Variants in ERC1 observed in about 807,000 individuals in gnomAD.
ERC1 encodes RAB6 interacting protein 2.
ERC1 carries 56 observed loss-of-function variants against 132.0 expected under a neutral mutation model. The observed-to-expected ratio is 0.42, with a 90% CI of 0.34 to 0.53. ERC1 has a LOEUF of 0.53. ERC1 is among the 20% of genes least tolerant of loss of function. The pLI, the probability that ERC1 is intolerant of heterozygous loss-of-function variation, is 0.03. For synonymous variants in ERC1, 478 were observed against 476.1 expected (o/e 1.00, Z -0.05); for missense variants, 1,202 against 1,349.9 (o/e 0.89, Z 1.72).
intron 7 of ERC1, among the ~76,000 whole-genome samples, chr12:1,117,822 A>AT (rs1946613957): frequency 6.6e-6 from 1 of 152,212 alleles, no homozygotes; most frequent in Non-Finnish European, 1.5e-5. Flanking sequence ...GATGATCTGC[A>AT]TTTTCTTACT....
At chr12:1,319,570 A>G (rs74057124) in intron 15 of ERC1, among the ~76,000 whole-genome samples, 2,760 of 152,298 alleles carry the variant, frequency 0.018, 86 homozygotes, top group African/African-American at 0.064. Flanking sequence ...ACCATTATCC[A>G]TGCATAGCTG....
chr12:1,282,483 ACTG>A (rs1163482982), intron 14 of ERC1, among the ~76,000 whole-genome samples: 1 of 152,218 alleles, frequency 6.6e-6, no homozygotes, highest in African/African-American at 2.4e-5. Context: ...GTTATAAAAT[ACTG>A]TACTGCCGGT....
intron 16 of ERC1, among the ~76,000 whole-genome samples, chr12:1,388,518 C>T (rs1007345133): frequency 1.3e-5 from 2 of 152,128 alleles, no homozygotes; most frequent in Non-Finnish European, 2.9e-5. Context: ...TGACGTGAGA[C>T]TCCAGAGCCA....
intron 13 of ERC1, among the ~76,000 whole-genome samples, chr12:1,255,649 T>A (rs1200081541): frequency 6.3e-5 from 9 of 142,888 alleles, no homozygotes; most frequent in African/African-American, 2.1e-4. Context: ...TTTTTTTTTT[T>A]TGAGACGGAG....
chr12:1,196,567 C>T (rs1356988393), intron 12 of ERC1, among the ~76,000 whole-genome samples: 2 of 150,042 alleles, frequency 1.3e-5, no homozygotes, highest in African/African-American at 4.9e-5. Flanking sequence ...GATGACAGCT[C>T]ACTATAGCCT....
intron 13 of ERC1, among the ~76,000 whole-genome samples, chr12:1,253,537 G>A (rs1474795583): frequency 2.0e-5 from 3 of 152,206 alleles, no homozygotes; most frequent in Admixed American, 6.5e-5. Flanking sequence ...TTCGCCAGGC[G>A]TGGTGGTGCA....
intron 15 of ERC1, among the ~76,000 whole-genome samples, chr12:1,313,579 A>G (rs1400821821): frequency 1.3e-5 from 2 of 151,564 alleles, no homozygotes; most frequent in South Asian, 2.1e-4. Flanking sequence ...ATCACCTCCC[A>G]TATGTAAATC....
At chr12:1,298,330 T>C (rs140785604) in intron 15 of ERC1, among the ~76,000 whole-genome samples, 3,508 of 151,762 alleles carry the variant, frequency 0.023, 66 homozygotes, top group Non-Finnish European at 0.036. Context: ...TCACTTGAGG[T>C]CAGGAGTTTG....
intron 15 of ERC1, among the ~76,000 whole-genome samples, chr12:1,326,475 A>ACCTGCCTGAT (rs2082452584): frequency 1.3e-5 from 2 of 152,336 alleles, no homozygotes; most frequent in South Asian, 4.1e-4. Context: ...GATGCAAACT[A>ACCTGCCTGAT]AGTTTTGATC....
chr12:1,274,182 C>T (rs1594714006), intron 14 of ERC1, among the ~76,000 whole-genome samples: 1 of 152,134 alleles, frequency 6.6e-6, no homozygotes, highest in South Asian at 2.1e-4. Context: ...GAACATGCCA[C>T]CCCAGCATTG....
In ERC1 at chr12:1,424,828, TAGATAGATAGATAGATGATAGATA is replaced by T. The variant is rs1322273941; in HGVS notation, c.3024+16582_3024+16605del. 7.2e-5 allele frequency among the ~76,000 whole-genome samples: 10 copies of T among 138,204 alleles called. No homozygotes were observed. The South Asian group carries it at 9.6e-4, about 13-fold the overall frequency. 90.7% of individuals were successfully genotyped at this position (138,204 alleles called of 152,430 possible). On this transcript the variant is annotated intron_variant, in intron 17 of 18. Transcript: ENST00000360905. ...ATAGATAGATAGATAGATAGATAGA[TAGATAGATAGATAGATGATAGATA>T]GATAGATAGATCGATAGATAGATAG...
At chr12:1,041,848 G>C (rs987442721) in intron 2 of ERC1, among the ~76,000 whole-genome samples, 1 of 152,174 alleles carries the variant, frequency 6.6e-6, no homozygotes, top group Admixed American at 6.5e-5. Flanking sequence ...CTTTGGGTGG[G>C]CTGTCTTAAG....
intron 14 of ERC1, among the ~76,000 whole-genome samples, chr12:1,267,004 G>A (rs1265039936): frequency 6.6e-6 from 1 of 152,162 alleles, no homozygotes; most frequent in African/African-American, 2.4e-5. Flanking sequence ...TCCAAAGTTC[G>A]AGCAAGGAAG....
intron 13 of ERC1, among the ~76,000 whole-genome samples, chr12:1,237,960 C>A (rs948537398): frequency 1.3e-5 from 2 of 152,176 alleles, no homozygotes; most frequent in Non-Finnish European, 2.9e-5. Flanking sequence ...ACAACAAATT[C>A]TTTTAACATA....
intron 18 of ERC1, among the ~76,000 whole-genome samples, chr12:1,466,744 C>T (rs2093751144): frequency 6.6e-6 from 1 of 152,134 alleles, no homozygotes; most frequent in South Asian, 2.1e-4. Flanking sequence ...AAGAAAAGCA[C>T]TGAGTCTCTG....
intron 7 of ERC1, among the ~76,000 whole-genome samples, chr12:1,123,987 G>C (rs1268870620): frequency 6.6e-6 from 1 of 152,162 alleles, no homozygotes; most frequent in Non-Finnish European, 1.5e-5. Flanking sequence ...CTGTCTATAA[G>C]TAAACAAATA....
At chr12:1,291,883 C>T (rs944077310) in intron 15 of ERC1, among the ~76,000 whole-genome samples, 1 of 152,124 alleles carries the variant, frequency 6.6e-6, no homozygotes, top group South Asian at 2.1e-4. Context: ...AGAGGAGGAA[C>T]GTTTTAATTG....
chr12:1,077,972 G>A (rs1362757319), intron 2 of ERC1, among the ~76,000 whole-genome samples: 2 of 152,210 alleles, frequency 1.3e-5, no homozygotes, highest in Non-Finnish European at 2.9e-5. Flanking sequence ...CCAAGTCAGA[G>A]CATTGTTTTA....
intron 15 of ERC1, among the ~76,000 whole-genome samples, chr12:1,354,070 CG>C (rs2085292107): frequency 6.7e-6 from 1 of 150,072 alleles, no homozygotes; most frequent in Non-Finnish European, 1.5e-5. Context: ...TTGGTGGTCT[CG>C]TGTCTTATCT....
Sources: gnomAD v4.1 joint callset for allele counts (sites outside exome capture counted in the v4.1 genomes callset) on GRCh38, gnomAD v4.1.1 for gene constraint, MANE v1.5 for transcripts, NCBI Gene and HGNC (gene_info 2026-07-23, HGNC 2026-07-21) for gene names.